Variants in NOS1AP observed in about 807,000 individuals in gnomAD.
NOS1AP encodes the protein nitric oxide synthase 1 adaptor protein, also known as carboxyl-terminal PDZ ligand of neuronal nitric oxide synthase protein.
A neutral mutation model predicts 56.2 loss-of-function variants in NOS1AP; 21 were observed. The observed-to-expected ratio is 0.37, with a 90% confidence interval of 0.26 to 0.54. The LOEUF is 0.54. Among genes scored for constraint, NOS1AP ranks in the 20% least tolerant of loss-of-function variants. The pLI is 0.84. For missense variants in NOS1AP, 522 were observed against 657.8 expected (o/e 0.79, Z 2.26); for synonymous variants, 270 against 274.6 (o/e 0.98, Z 0.17).
At chr1:162,314,064 T>C (rs71519233) in intron 4 of NOS1AP, among the ~76,000 whole-genome samples, 1,867 of 152,308 alleles carry the variant, frequency 0.012, 27 homozygotes, top group South Asian at 0.044. Flanking sequence ...CAGCCTTGAT[T>C]TGCTTGTTTG....
intron 2 of NOS1AP, among the ~76,000 whole-genome samples, chr1:162,245,027 T>C (rs1057205792): frequency 6.6e-6 from 1 of 152,048 alleles, no homozygotes. Flanking sequence ...AATGCTGAGA[T>C]TGTGTGCTAC....
intron 4 of NOS1AP, among the ~76,000 whole-genome samples, chr1:162,319,570 T>G (rs1230187760): frequency 6.6e-6 from 1 of 151,830 alleles, no homozygotes. Flanking sequence ...ACCTCATGCC[T>G]TTCCACATGC....
intron 1 of NOS1AP, among the ~76,000 whole-genome samples, chr1:162,113,634 G>C (rs943627135): frequency 6.6e-6 from 1 of 152,132 alleles, no homozygotes; most frequent in Non-Finnish European, 1.5e-5. Flanking sequence ...GAAGTGGTGG[G>C]GGTAGGGAGG....
At chr1:162,285,227 G>C (rs1370845855) in intron 2 of NOS1AP, among the ~76,000 whole-genome samples, 5 of 152,182 alleles carry the variant, frequency 3.3e-5, no homozygotes, top group African/African-American at 1.2e-4. Context: ...TGGCCGGCAG[G>C]AGCAGCCTGA....
At chr1:162,073,773 C>T (rs1373827943) in intron 1 of NOS1AP, among the ~76,000 whole-genome samples, 2 of 152,224 alleles carry the variant, frequency 1.3e-5, no homozygotes, top group Admixed American at 6.5e-5. Flanking sequence ...ACTTTTAATG[C>T]TTGGCTGTTT....
intron 3 of NOS1AP, among the ~76,000 whole-genome samples, chr1:162,294,552 G>A (rs926988885): frequency 6.6e-6 from 1 of 152,118 alleles, no homozygotes; most frequent in Non-Finnish European, 1.5e-5. Flanking sequence ...TTTACTAATC[G>A]AGATATGAAG....
At position 162,320,354 on chromosome 1, in the gene NOS1AP, C is replaced by A. The variant is rs186482263; in HGVS notation, c.345-12663C>A. ...CCACCCTTTGTGGACAAGGAGTGGA[C>A]AAGCAAGTGTACAAACCTTTGTTGA... On this transcript the variant is annotated intron_variant, in intron 4 of 9. Coordinates refer to ENST00000361897, the MANE Select transcript of NOS1AP (RefSeq NM_014697.3). Among the ~76,000 whole-genome samples the A allele has an allele frequency of 2.3e-3, 349 of 152,310 alleles. 2 individuals carry two copies. The highest frequency in any genetic ancestry group is 7.9e-3 in the African/African-American group (329 of 41,556).
chr1:162,140,359 C>G (rs1056351840), intron 1 of NOS1AP, among the ~76,000 whole-genome samples: 1 of 80,938 alleles, frequency 1.2e-5, no homozygotes, highest in Non-Finnish European at 3.1e-5. Context: ...ATGGGTATAC[C>G]CAATGTTTAG....
intron 6 of NOS1AP, among the ~76,000 whole-genome samples, chr1:162,349,267 G>T (rs1218612156): frequency 6.6e-6 from 1 of 151,932 alleles, no homozygotes; most frequent in Non-Finnish European, 1.5e-5. Context: ...AATCGGCTTG[G>T]CTCAGAGTCT....
rs1300568204 is a variant in NOS1AP at position 162,217,011 on chromosome 1, A to G, written c.177+62535A>G. On this transcript the variant is annotated intron_variant, in intron 2 of 9. Coordinates refer to ENST00000361897, the MANE Select transcript of NOS1AP (RefSeq NM_014697.3). ...ATCGTTTATAGAGGATTCATCATCAAATCTTTTCCTGCTGTGAAGGGAAGG... is the reference window on the plus strand; with the variant it reads ...ATCGTTTATAGAGGATTCATCATCAGATCTTTTCCTGCTGTGAAGGGAAGG... Among the ~76,000 whole-genome samples the G allele has an allele frequency of 2.6e-5, 4 of 152,304 alleles. No individual in the cohort carries two copies. In the East Asian group the frequency reaches 7.7e-4, roughly 29 times the overall value.
At chr1:162,078,108 C>T (rs912608426) in intron 1 of NOS1AP, among the ~76,000 whole-genome samples, 4 of 152,172 alleles carry the variant, frequency 2.6e-5, no homozygotes, top group Non-Finnish European at 5.9e-5. Context: ...TCTACCTCCT[C>T]CCTTTGCCCT....
intron 4 of NOS1AP, among the ~76,000 whole-genome samples, chr1:162,310,004 C>T (rs957184549): frequency 1.3e-5 from 2 of 152,122 alleles, no homozygotes; most frequent in African/African-American, 2.4e-5. Context: ...AAAGCACTCT[C>T]AGGATTTAAG....
intron 3 of NOS1AP, among the ~76,000 whole-genome samples, chr1:162,295,515 A>AT (rs200341152): frequency 1.5e-3 from 222 of 150,378 alleles, no homozygotes; most frequent in Non-Finnish European, 2.5e-3. Context: ...CTCATTTCAA[A>AT]TTTTTTTTTT....
At chr1:162,357,265 A>C in intron 8 of NOS1AP, 129 bp downstream of exon 8, 1 of 1,416,402 alleles carries the variant, frequency 7.1e-7, no homozygotes, top group Non-Finnish European at 9.6e-7. Flanking sequence ...CTATTGGATC[A>C]TTGCTTGTTG....
At chr1:162,120,694 C>T (rs1571030138) in intron 1 of NOS1AP, among the ~76,000 whole-genome samples, 2 of 152,192 alleles carry the variant, frequency 1.3e-5, no homozygotes, top group Non-Finnish European at 2.9e-5. Flanking sequence ...ACCGCCCCCC[C>T]CATGATTCGA....
chr1:162,353,711 T>G (rs569667031), intron 6 of NOS1AP, among the ~76,000 whole-genome samples: 1 of 152,306 alleles, frequency 6.6e-6, no homozygotes, highest in African/African-American at 2.4e-5. Flanking sequence ...GTAGCCCAGC[T>G]TCTCCTGATC....
chr1:162,203,257 T>C (rs895513408), intron 2 of NOS1AP, among the ~76,000 whole-genome samples: 3 of 152,238 alleles, frequency 2.0e-5, no homozygotes, highest in Non-Finnish European at 4.4e-5. Context: ...TCCATTGCTA[T>C]GCTTGTCCGT....
intron 1 of NOS1AP, among the ~76,000 whole-genome samples, chr1:162,143,910 C>T (rs1320177824): frequency 1.3e-5 from 2 of 152,210 alleles, no homozygotes; most frequent in Admixed American, 6.5e-5. Flanking sequence ...TGAGTGCTTT[C>T]GTTCTTCATG....
chr1:162,071,948 A>G (rs1691667228), intron 1 of NOS1AP, among the ~76,000 whole-genome samples: 1 of 152,098 alleles, frequency 6.6e-6, no homozygotes, highest in Non-Finnish European at 1.5e-5. Context: ...TAATTCCAGC[A>G]CTTTGGGAGG....
Sources: gnomAD v4.1 joint callset for allele counts (sites outside exome capture counted in the v4.1 genomes callset) on GRCh38, gnomAD v4.1.1 for gene constraint, MANE v1.5 for transcripts, NCBI Gene and HGNC (gene_info 2026-07-23, HGNC 2026-07-21) for gene names.